Variants in UPF1 observed in about 807,000 individuals in gnomAD.
UPF1 encodes regulator of nonsense transcripts 1.
UPF1 carries 9 observed loss-of-function variants against 129.2 expected under a neutral mutation model. The ratio of observed to expected loss-of-function variants is 0.07; its 90% CI spans 0.04 to 0.12. The LOEUF (loss-of-function observed/expected upper bound fraction) is 0.12, where lower values mean the gene tolerates loss of function less well. UPF1 is among the 10% of genes least tolerant of loss of function. The pLI, the probability that UPF1 is intolerant of heterozygous loss-of-function variation, is 1.00. For missense variants in UPF1, 788 were observed against 1,525.3 expected (o/e 0.52, Z 8.05); for synonymous variants, 649 against 644.9 (o/e 1.01, Z -0.10).
intron 17 of UPF1, 95 bp downstream of exon 17, chr19:18,861,077 G>A: frequency 6.9e-7 from 1 of 1,449,002 alleles, no homozygotes; most frequent in East Asian, 2.5e-5. Context: ...GCCCGTCCTG[G>A]CTGGAGCTCA....
At chr19:18,863,649 A>C (rs774904975) in intron 19 of UPF1, 37 bp downstream of exon 19, 1 of 1,579,696 alleles carries the variant, frequency 6.3e-7, no homozygotes, top group Non-Finnish European at 8.6e-7. Flanking sequence ...CAGCACGGAG[A>C]AACCCGGGCC....
intron 19 of UPF1, 101 bp downstream of exon 19, chr19:18,863,713 A>AGGGGAGGGT (rs2055807742): frequency 5.0e-6 from 5 of 998,652 alleles, no homozygotes; most frequent in African/African-American, 1.7e-5. Context: ...GAGCTGAGGG[A>AGGGGAGGGT]GGGCTCTCCT....
intron 14 of UPF1, 45 bp downstream of exon 14, chr19:18,857,065 G>C (rs746105003): frequency 6.3e-7 from 1 of 1,583,122 alleles, no homozygotes; most frequent in Non-Finnish European, 8.6e-7. Flanking sequence ...TCGTGTGTGT[G>C]ATTCTTGGTG....
At chr19:18,866,018 G>C in intron 22 of UPF1, 26 bp from the exon 23 acceptor site, 1 of 1,611,480 alleles carries the variant, frequency 6.2e-7, no homozygotes. Context: ...CCTGTGGCTT[G>C]CTTACCTCCT....
intron 1 of UPF1, among the ~76,000 whole-genome samples, chr19:18,835,039 C>T (rs923917511): frequency 4.6e-5 from 7 of 152,128 alleles, no homozygotes; most frequent in Non-Finnish European, 7.3e-5. Context: ...CAGCCATTAC[C>T]ACAGTAAACT....
At position 18,832,562 on chromosome 19, in the gene UPF1, GCGATCTGCCCCGGGTCCCCTACT is replaced by G; in HGVS notation, c.231+124_231+146del. The G allele has an allele frequency of 2.8e-6, 2 of 726,112 alleles. No individual in the cohort carries two copies. Among genetic ancestry groups the G allele is most frequent in the Non-Finnish European group, 3.4e-6 (2 of 592,518 alleles). The allele number at this position is 726,112 out of a possible 1,614,324, so 45.0% of individuals were successfully genotyped here. On this transcript the variant is annotated intron_variant, in intron 1 of 23. Coordinates refer to ENST00000262803, the MANE Select transcript of UPF1 (RefSeq NM_002911.4). This position sits in a 1 kb window ranked among gnomAD's most constrained non-coding sequence, Gnocchi z 5.6. ...GTCCCCCATCGCGGCCGGGCCTGGG[GCGATCTGCCCCGGGTCCCCTACT>G]CTGGCTCGGCCTGAGCTTACCTGCC...
Position 18,850,119 on chromosome 19 carries a change from C to G in UPF1, c.506C>G (p.Thr169Ser). 1.9e-6 allele frequency: 3 copies of G among 1,614,226 alleles called. No individual in the cohort carries two copies. The highest frequency in any genetic ancestry group is 2.5e-6 in the Non-Finnish European group (3 of 1,180,042). The change falls in exon 4 of 24, where the codon ACC becomes AGC. Residue 169 changes from threonine (T) to serine (S), a missense_variant. Thr to Ser is a moderately conservative substitution (Grantham distance 58, BLOSUM62 1). Coordinates refer to ENST00000262803, the MANE Select transcript of UPF1 (RefSeq NM_002911.4). The surrounding 1 kb of genome is among the most constrained non-coding windows in gnomAD (Gnocchi z 7.1). ...GTGAGGGCAAAATGCAAAGAGGTGA[C>G]CCTGCACAAGGACGGGCCCCTGGGG... ...HLVRAKCKEV[T>S]LHKDGPLGET... is the part of the protein sequence containing the mutation.
At chr19:18,842,658 T>G (rs1416158960) in intron 1 of UPF1, among the ~76,000 whole-genome samples, 1 of 151,992 alleles carries the variant, frequency 6.6e-6, no homozygotes, top group Non-Finnish European at 1.5e-5. Context: ...GTGGTGAACT[T>G]CCTATTCCCT....
At chr19:18,852,485 T>C (rs1348350415) in intron 6 of UPF1, among the ~76,000 whole-genome samples, 189 bp downstream of exon 6, 1 of 152,190 alleles carries the variant, frequency 6.6e-6, no homozygotes, top group Non-Finnish European at 1.5e-5. Flanking sequence ...CCCTCAGATC[T>C]GACATCAGCC....
chr19:18,834,440 G>T (rs1253815142), intron 1 of UPF1, among the ~76,000 whole-genome samples: 1 of 152,170 alleles, frequency 6.6e-6, no homozygotes, highest in Non-Finnish European at 1.5e-5. Flanking sequence ...TTCTCTTTCA[G>T]TTGAAACAAT....
rs2145925386 is a variant in UPF1 at position 18,832,351 on chromosome 19, C to T, written c.142C>T (p.Pro48Ser). 7.5e-7 allele frequency: 1 copy of T among 1,340,470 alleles called. No homozygotes were observed. Among genetic ancestry groups the T allele is most frequent in the East Asian group, 3.5e-5 (1 of 28,794 alleles). The allele number at this position is 1,340,470 out of a possible 1,614,324, so 83.0% of individuals were successfully genotyped here. ...FTLPSQTQTP[P>S]GGPGGPGGGG... The stretch of plus-strand genomic sequence containing the variant: ...TCTTCCTAGCCAGACGCAGACGCCC[C>T]CCGGCGGCCCCGGCGGCCCGGGCGG... The change falls in exon 1 of 24, where the codon CCC becomes TCC. Residue 48 changes from proline to serine, a missense_variant. By Grantham distance (74) the Pro-to-Ser change is moderately conservative. Transcript: ENST00000262803. This position sits in a 1 kb window ranked among gnomAD's most constrained non-coding sequence, Gnocchi z 5.6.
intron 9 of UPF1, 51 bp downstream of exon 9, chr19:18,854,760 A>T (rs1406491353): frequency 6.2e-7 from 1 of 1,607,262 alleles, no homozygotes; most frequent in Non-Finnish European, 8.5e-7. Flanking sequence ...CACCTGTGGC[A>T]TCTTTATGAG....
At position 18,850,098 on chromosome 19, in the gene UPF1, G is replaced by A; in HGVS notation, c.485G>A (p.Arg162Lys). The change falls in exon 4 of 24, where the codon AGG (arginine) becomes AAG (lysine). Residue 162 changes from arginine (R) to lysine (K), a missense_variant. Arg to Lys is a conservative substitution (Grantham distance 26, BLOSUM62 2). This residue lies in a region of UPF1 where 227 missense variants were observed against 517.9 expected (regional missense o/e 0.44). Coordinates refer to ENST00000262803, the MANE Select transcript of UPF1 (RefSeq NM_002911.4). This position sits in a 1 kb window ranked among gnomAD's most constrained non-coding sequence, Gnocchi z 7.1. Reference protein sequence around the residue: ...SGSHIVNHLVRAKCKEVTLHK... With the variant: ...SGSHIVNHLVKAKCKEVTLHK... ...AGCCACATTGTAAATCACCTTGTGAGGGCAAAATGCAAAGAGGTGACCCTG... is the reference window on the plus strand; with the variant it reads ...AGCCACATTGTAAATCACCTTGTGAAGGCAAAATGCAAAGAGGTGACCCTG... 6.2e-7 allele frequency: 1 copy of A among 1,614,216 alleles called. No homozygotes were observed. The highest frequency in any genetic ancestry group is 8.5e-7 in the Non-Finnish European group (1 of 1,180,038).
intron 1 of UPF1, among the ~76,000 whole-genome samples, chr19:18,841,366 A>G (rs76933915): frequency 0.011 from 1,726 of 152,284 alleles, 36 homozygotes; most frequent in African/African-American, 0.039. Context: ...AGTATGTAGT[A>G]TGCATTTCTA....
At chr19:18,846,193 C>T in intron 2 of UPF1, 74 bp downstream of exon 2, 3 of 1,586,694 alleles carry the variant, frequency 1.9e-6, no homozygotes, top group Non-Finnish European at 2.6e-6. Flanking sequence ...GGGACACTCA[C>T]CTCCCAGGTA....
intron 1 of UPF1, among the ~76,000 whole-genome samples, chr19:18,836,905 T>G (rs1430675518): frequency 6.8e-6 from 1 of 147,728 alleles, no homozygotes; most frequent in Non-Finnish European, 1.5e-5. Context: ...AGGTGTGTGC[T>G]ACCATGCCCG....
intron 1 of UPF1, among the ~76,000 whole-genome samples, chr19:18,836,839 C>T (rs1018518302): frequency 8.6e-5 from 13 of 151,302 alleles, no homozygotes; most frequent in African/African-American, 2.7e-4. Context: ...CTGCAACCTC[C>T]ACCTCCTGGG....
chr19:18,847,010 G>T (rs1436950629), intron 2 of UPF1, among the ~76,000 whole-genome samples: 1 of 152,234 alleles, frequency 6.6e-6, no homozygotes, highest in East Asian at 1.9e-4. Context: ...CCCTGCCTCT[G>T]TCTGTGGGCA....
At chr19:18,858,713 C>T (rs1186600517) in intron 15 of UPF1, among the ~76,000 whole-genome samples, 2 of 152,064 alleles carry the variant, frequency 1.3e-5, no homozygotes, top group Non-Finnish European at 2.9e-5. Context: ...GGCCCAGCTG[C>T]CTCCGATTCA....
Sources: gnomAD v4.1 joint callset for allele counts (sites outside exome capture counted in the v4.1 genomes callset) on GRCh38, gnomAD v4.1.1 for gene constraint, gnomAD v4.1.1 regional missense constraint, Gnocchi (gnomAD v3.1) non-coding constraint, MANE v1.5 for transcripts, NCBI Gene and HGNC (gene_info 2026-07-23, HGNC 2026-07-21) for gene names.